The following LRRTM4 variants were observed in gnomAD, a reference collection of about 807,000 sequenced individuals.
LRRTM4 encodes the protein leucine-rich repeat transmembrane neuronal protein 4.
In LRRTM4, 25 loss-of-function variants were observed where a neutral mutation model predicts 47.6. The ratio of observed to expected loss-of-function variants is 0.53; its 90% CI spans 0.38 to 0.73. LRRTM4 has a LOEUF of 0.73. LRRTM4 is among the 30% of genes least tolerant of loss of function. The pLI, the probability that LRRTM4 is intolerant of heterozygous loss-of-function variation, is 0.00. For missense variants in LRRTM4, 638 were observed against 713.4 expected (o/e 0.89, Z 1.20); for synonymous variants, 311 against 269.5 (o/e 1.15, Z -1.51).
intron 3 of LRRTM4, among the ~76,000 whole-genome samples, chr2:77,063,060 T>C (rs375469528): frequency 1.3e-5 from 2 of 151,428 alleles, no homozygotes; most frequent in South Asian, 2.1e-4. Context: ...GTTCAAGCCA[T>C]GCTTCTGCCT....
rs1298785962 is a variant in LRRTM4 at position 77,016,340 on chromosome 2, C to T, written c.1552-267424G>A. Among the ~76,000 whole-genome samples, 5 of 150,158 alleles carry T rather than the reference C, an allele frequency of 3.3e-5. No homozygotes were observed. In the South Asian group the frequency reaches 6.3e-4, roughly 19 times the overall value. On this transcript the variant is annotated intron_variant, in intron 3 of 3. Transcript: ENST00000409884. The stretch of plus-strand genomic sequence containing the variant: ...GGCAGAGGTTGCAGTGAGCCCAGAT[C>T]GCGCCACTGTGTCCAGCCTGGCGAC...
At chr2:77,151,373 A>G (rs558391700) in intron 3 of LRRTM4, among the ~76,000 whole-genome samples, 2 of 152,300 alleles carry the variant, frequency 1.3e-5, no homozygotes, top group South Asian at 2.1e-4. Flanking sequence ...TACTAATTCT[A>G]TAAGTTTGAC....
chr2:76,774,160 A>C (rs1458501290), intron 3 of LRRTM4, among the ~76,000 whole-genome samples: 1 of 151,344 alleles, frequency 6.6e-6, no homozygotes, highest in East Asian at 1.9e-4. Flanking sequence ...ACAATAAAGT[A>C]AGCTAAAGAA....
intron 3 of LRRTM4, among the ~76,000 whole-genome samples, chr2:77,301,546 T>TG (rs1677133854): frequency 6.6e-6 from 1 of 152,074 alleles, no homozygotes; most frequent in African/African-American, 2.4e-5. Flanking sequence ...AGAGCCATCC[T>TG]TTTTATTAAC....
At chr2:77,003,956 G>A (rs6742824) in intron 3 of LRRTM4, among the ~76,000 whole-genome samples, 39,844 of 152,078 alleles carry the variant, frequency 0.26, 6,936 homozygotes, top group African/African-American at 0.5. Context: ...TGGAACAAAG[G>A]TCACTCTTCC....
chr2:77,056,756 G>T (rs1679622296), intron 3 of LRRTM4, among the ~76,000 whole-genome samples: 1 of 152,074 alleles, frequency 6.6e-6, no homozygotes, highest in Non-Finnish European at 1.5e-5. Flanking sequence ...GAAATTCAAA[G>T]CATCTTTTTT....
intron 3 of LRRTM4, among the ~76,000 whole-genome samples, chr2:77,505,928 A>G (rs1418236075): frequency 6.6e-6 from 1 of 151,632 alleles, no homozygotes; most frequent in Non-Finnish European, 1.5e-5. Flanking sequence ...TCTAGTCAAA[A>G]TACCAAATAT....
chr2:76,770,165 G>C (rs1459829666), intron 3 of LRRTM4, among the ~76,000 whole-genome samples: 3 of 152,244 alleles, frequency 2.0e-5, no homozygotes, highest in South Asian at 4.1e-4. Context: ...GATGGAAAAT[G>C]GACTTTTTTC....
intron 3 of LRRTM4, among the ~76,000 whole-genome samples, chr2:77,042,591 C>A (rs1005844146): frequency 6.6e-6 from 1 of 151,500 alleles, no homozygotes; most frequent in Non-Finnish European, 1.5e-5. Context: ...TATTTTTGTA[C>A]AGGAATAAAA....
In LRRTM4 at chr2:77,276,686, C is replaced by CATATAT. The variant is rs3980215; in HGVS notation, c.1551+241626_1551+241631dup. Among the ~76,000 whole-genome samples, 225 of 71,674 alleles carry CATATAT rather than the reference C, an allele frequency of 3.1e-3. 3 individuals are homozygous for CATATAT. Among genetic ancestry groups the CATATAT allele is most frequent in the East Asian group, 7.2e-3 (9 of 1,250 alleles). 47.0% of individuals were successfully genotyped at this position (71,674 alleles called of 152,430 possible). A position where few individuals can be genotyped will look rare whatever the true frequency, so the allele number is the denominator to read the frequency against. On this transcript the variant is annotated intron_variant, in intron 3 of 3. Transcript: ENST00000409884. ...GTTCTTGTATATAAATTTGTGTACG[C>CATATAT]ATATATATATATATATATATATATA...
intron 3 of LRRTM4, among the ~76,000 whole-genome samples, chr2:76,811,889 C>T (rs1553413367): frequency 6.6e-6 from 1 of 152,064 alleles, no homozygotes; most frequent in Non-Finnish European, 1.5e-5. Flanking sequence ...ACATGTAAAA[C>T]TGAATTTCTT....
chr2:76,757,743 A>AG (rs1473437594), intron 3 of LRRTM4, among the ~76,000 whole-genome samples: 23 of 152,276 alleles, frequency 1.5e-4, no homozygotes, highest in Admixed American at 3.9e-4. Flanking sequence ...TGTGAAAAAA[A>AG]TAATTGTAGA....
chr2:76,896,963 C>T (rs904738908), intron 3 of LRRTM4, among the ~76,000 whole-genome samples: 1 of 151,568 alleles, frequency 6.6e-6, no homozygotes, highest in East Asian at 1.9e-4. Flanking sequence ...TAGAAGAAAT[C>T]TGGAATCTCT....
chr2:77,415,883 A>T lies in LRRTM4; in HGVS notation c.1551+102435T>A, dbSNP rs150928790. Among the ~76,000 whole-genome samples, 1,129 of 152,264 alleles carry T rather than the reference A, an allele frequency of 7.4e-3. 12 individuals carry two copies. The highest frequency in any genetic ancestry group is 0.024 in the Middle Eastern group (7 of 294). ...CCCTAGATATTTGTCACATGCATAA[A>T]TAAATAAAACACAAATGATTGTCAT... On this transcript the variant is annotated intron_variant, in intron 3 of 3. Transcript: ENST00000409884.
chr2:77,363,548 C>G (rs187789056), intron 3 of LRRTM4, among the ~76,000 whole-genome samples: 1 of 152,114 alleles, frequency 6.6e-6, no homozygotes, highest in East Asian at 1.9e-4. Context: ...ATCAGGGCCA[C>G]GCATAATTGC....
intron 3 of LRRTM4, among the ~76,000 whole-genome samples, chr2:77,223,335 C>T (rs1392565208): frequency 6.6e-6 from 1 of 152,160 alleles, no homozygotes; most frequent in African/African-American, 2.4e-5. Context: ...TCCTATTCAA[C>T]ATAGTGTTGG....
In LRRTM4 at chr2:76,869,466, C is replaced by G. The variant is rs183310084; in HGVS notation, c.1552-120550G>C. ...TCTTAAACTGATAAATGCAGACTGG[C>G]AAAGCTAAGAAGTCTTATGGGACAT... On this transcript the variant is annotated intron_variant, in intron 3 of 3. Coordinates refer to ENST00000409884, the MANE Select transcript of LRRTM4 (RefSeq NM_001134745.3). Among the ~76,000 whole-genome samples, 31 of 152,108 alleles carry G rather than the reference C, an allele frequency of 2.0e-4. No individual in the cohort carries two copies. In the East Asian group the frequency reaches 5.6e-3, roughly 28 times the overall value.
chr2:76,983,418 G>A (rs948677967), intron 3 of LRRTM4, among the ~76,000 whole-genome samples: 3 of 151,976 alleles, frequency 2.0e-5, no homozygotes, highest in Admixed American at 6.6e-5. Flanking sequence ...CCCCCATACT[G>A]TTCTCATGGT....
chr2:77,310,058 T>G (rs776631423), intron 3 of LRRTM4, among the ~76,000 whole-genome samples: 3 of 152,156 alleles, frequency 2.0e-5, no homozygotes, highest in African/African-American at 7.2e-5. Context: ...AAAAAACTTT[T>G]TTTGGCTCTG....
Sources: allele counts gnomAD v4.1 joint callset (sites outside exome capture counted in the v4.1 genomes callset), GRCh38; gene constraint gnomAD v4.1.1; transcripts MANE v1.5; gene names NCBI Gene and HGNC (gene_info 2026-07-23, HGNC 2026-07-21).